The following ITGA1 variants were observed in gnomAD, a reference collection of about 807,000 sequenced individuals.
ITGA1 encodes integrin alpha-1.
A neutral mutation model predicts 145.9 loss-of-function variants in ITGA1; 85 were observed. That is an observed-to-expected ratio of 0.58 (90% CI 0.49 to 0.70). The LOEUF (loss-of-function observed/expected upper bound fraction) is 0.70. ITGA1 is among the 30% of genes least tolerant of loss of function. The pLI, the probability that ITGA1 is intolerant of heterozygous loss-of-function variation, is 0.00. For missense variants in ITGA1, 1,351 were observed against 1,418.7 expected (o/e 0.95, Z 0.77); for synonymous variants, 520 against 495.3 (o/e 1.05, Z -0.66).
At chr5:52,826,547 T>C (rs957911579) in intron 1 of ITGA1, among the ~76,000 whole-genome samples, 5 of 152,220 alleles carry the variant, frequency 3.3e-5, no homozygotes, top group Admixed American at 3.3e-4. Context: ...AGGTGCCATC[T>C]AGGACTTTCA....
intron 1 of ITGA1, among the ~76,000 whole-genome samples, chr5:52,834,342 T>C (rs1749121584): frequency 1.3e-5 from 2 of 152,100 alleles, no homozygotes; most frequent in Non-Finnish European, 2.9e-5. Context: ...TCAGCTTGAT[T>C]TTTGATGAGG....
At chr5:52,875,600 C>A (rs944764967) in intron 6 of ITGA1, among the ~76,000 whole-genome samples, 1 of 152,156 alleles carries the variant, frequency 6.6e-6, no homozygotes, top group African/African-American at 2.4e-5. Flanking sequence ...GCATGTGACT[C>A]CTTATCCCCC....
chr5:52,915,214 A>G (rs948741426), intron 14 of ITGA1, among the ~76,000 whole-genome samples: 7 of 152,220 alleles, frequency 4.6e-5, no homozygotes, highest in Non-Finnish European at 1.0e-4. Context: ...AGACACAATG[A>G]CACTATATAA....
intron 11 of ITGA1, among the ~76,000 whole-genome samples, chr5:52,900,358 A>C (rs1212494751): frequency 6.6e-6 from 1 of 152,188 alleles, no homozygotes; most frequent in Non-Finnish European, 1.5e-5. Flanking sequence ...GCATTTGACA[A>C]TGTGTTTACA....
At chr5:52,936,415 C>A (rs550279086) in intron 23 of ITGA1, among the ~76,000 whole-genome samples, 3 of 152,156 alleles carry the variant, frequency 2.0e-5, no homozygotes, top group Non-Finnish European at 4.4e-5. Flanking sequence ...GGATGTATTT[C>A]GTCTTTACAA....
chr5:52,907,912 G>A (rs769966500), intron 12 of ITGA1, among the ~76,000 whole-genome samples: 1 of 152,192 alleles, frequency 6.6e-6, no homozygotes, highest in Non-Finnish European at 1.5e-5. Context: ...TGAGAAAAGT[G>A]CATTCAAAAG....
At chr5:52,863,000 TA>T (rs1320239931) in intron 3 of ITGA1, among the ~76,000 whole-genome samples, 5 of 152,350 alleles carry the variant, frequency 3.3e-5, no homozygotes, top group African/African-American at 1.2e-4. Flanking sequence ...ACTTTCCATT[TA>T]TTACCTTTCC....
chr5:52,929,599 A>C (rs1477914169), intron 20 of ITGA1, 26 bp from the exon 21 acceptor site: 12 of 1,194,168 alleles, frequency 1.0e-5, no homozygotes, highest in Non-Finnish European at 1.4e-5. Context: ...CTTATCTGTT[A>C]CTAAAGACAT....
intron 1 of ITGA1, among the ~76,000 whole-genome samples, chr5:52,846,435 T>C (rs1051585619): frequency 1.3e-4 from 20 of 152,170 alleles, no homozygotes; most frequent in African/African-American, 4.8e-4. Context: ...CATTAGTGTG[T>C]CTAAACATAT....
intron 7 of ITGA1, among the ~76,000 whole-genome samples, chr5:52,883,698 C>A (rs1438745025): frequency 1.3e-5 from 2 of 152,090 alleles, no homozygotes; most frequent in Admixed American, 6.5e-5. Flanking sequence ...AGTATTTAAT[C>A]ATGAGGCCTG....
chr5:52,819,829 G>T (rs1280366126), intron 1 of ITGA1, among the ~76,000 whole-genome samples: 2 of 152,074 alleles, frequency 1.3e-5, no homozygotes, highest in South Asian at 4.2e-4. Flanking sequence ...TTTGTATAAG[G>T]TGTAAGGAAG....
chr5:52,876,826 T>C (rs544268134), intron 6 of ITGA1, among the ~76,000 whole-genome samples: 43 of 152,146 alleles, frequency 2.8e-4, no homozygotes, highest in African/African-American at 9.9e-4. Context: ...TGTTTCAGAG[T>C]TCCAAGAAGG....
chr5:52,922,406 G>A (rs1458025621), intron 17 of ITGA1, among the ~76,000 whole-genome samples: 1 of 152,186 alleles, frequency 6.6e-6, no homozygotes, highest in African/African-American at 2.4e-5. Context: ...TTCTGAAGTT[G>A]GGAAATGTTC....
intron 22 of ITGA1, chr5:52,932,346 A>G (rs919854358): frequency 1.0e-5 from 5 of 502,202 alleles, no homozygotes; most frequent in Non-Finnish European, 1.8e-5. Context: ...AATGTTTGAG[A>G]ACCATTATAC....
intron 1 of ITGA1, among the ~76,000 whole-genome samples, chr5:52,793,739 T>A (rs1748286448): frequency 6.6e-6 from 1 of 152,052 alleles, no homozygotes; most frequent in Non-Finnish European, 1.5e-5. Flanking sequence ...ATATCTGATT[T>A]AGGGGATAAT....
rs1425651487 is a variant in ITGA1 at position 52,795,516 on chromosome 5, T to A, written c.61+7102T>A. Among the ~76,000 whole-genome samples the A allele has an allele frequency of 7.2e-5, 11 of 152,020 alleles. No individual in the cohort carries two copies. In the East Asian group the frequency reaches 1.2e-3, roughly 16 times the overall value. ...AACCATTTCTTTTATATTATTATAA[T>A]AGGAAAGATAGTAATTCAACTCACC... On this transcript the variant is annotated intron_variant, in intron 1 of 28. Coordinates refer to ENST00000282588, the MANE Select transcript of ITGA1 (RefSeq NM_181501.2).
chr5:52,949,452 T>G (rs1168616176), intron 28 of ITGA1, among the ~76,000 whole-genome samples: 2 of 152,200 alleles, frequency 1.3e-5, no homozygotes, highest in Non-Finnish European at 2.9e-5. Flanking sequence ...AACAATCTTT[T>G]CGACCAAGTA....
Position 52,937,508 on chromosome 5 carries a change from T to C in ITGA1, c.3072T>C (p.Ser1024=), listed in dbSNP as rs1424124006. The C allele has an allele frequency of 6.3e-7, 1 of 1,585,864 alleles. No homozygotes were observed. Among genetic ancestry groups the C allele is most frequent in the South Asian group, 1.1e-5 (1 of 90,274 alleles). The change falls in exon 24 of 29, where the codon TCT becomes TCC. Residue 1024 remains serine (S), a synonymous_variant. Coordinates refer to ENST00000282588, the MANE Select transcript of ITGA1 (RefSeq NM_181501.2). The part of the protein sequence containing the change: ...YPVLYPTGLS[S]SENANCRPHI... ...TGCTGTACCCAACTGGATTGTCATC[T>C]TCTGAGGTAAGTCATGTGTGCCTTG... is the stretch of plus-strand genomic sequence containing the variant.
chr5:52,804,717 T>C (rs1050917114), intron 1 of ITGA1, among the ~76,000 whole-genome samples: 2 of 152,230 alleles, frequency 1.3e-5, no homozygotes, highest in Non-Finnish European at 2.9e-5. Context: ...AAACGGTCTG[T>C]ACATTAATGC....
Sources: gnomAD v4.1 joint callset for allele counts (sites outside exome capture counted in the v4.1 genomes callset) on GRCh38, gnomAD v4.1.1 for gene constraint, MANE v1.5 for transcripts, NCBI Gene and HGNC (gene_info 2026-07-23, HGNC 2026-07-21) for gene names.